The following PBX3 variants were observed in gnomAD, a reference collection of about 807,000 sequenced individuals.
The protein encoded by PBX3 is pre-B-cell leukemia transcription factor 3.
PBX3 carries 14 observed loss-of-function variants against 48.5 expected under a neutral mutation model. That is an observed-to-expected ratio of 0.29 (90% CI 0.19 to 0.45). The LOEUF is 0.45. PBX3 is among the 20% of genes least tolerant of loss of function. The probability of loss-of-function intolerance (pLI) is 1.00; values close to 1 mark genes in which losing one functional copy is unlikely to be tolerated. For synonymous variants in PBX3, 210 were observed against 200.3 expected, an observed-to-expected ratio of 1.05 and a Z score of -0.41; for missense variants, 386 against 546.7, an observed-to-expected ratio of 0.71 and a Z score of 2.93.
At chr9:125,866,575 C>A (rs1395784825) in intron 2 of PBX3, among the ~76,000 whole-genome samples, 4 of 152,176 alleles carry the variant, frequency 2.6e-5, no homozygotes, top group African/African-American at 9.6e-5. Flanking sequence ...AACAAAGAAA[C>A]AATCATCATG....
At chr9:125,801,872 T>C (rs962805865) in intron 2 of PBX3, among the ~76,000 whole-genome samples, 4 of 151,388 alleles carry the variant, frequency 2.6e-5, no homozygotes, top group African/African-American at 9.7e-5. Flanking sequence ...CTTGGTATGG[T>C]TAAAACTAAA....
chr9:125,795,083 G>A (rs1328068801), intron 2 of PBX3, among the ~76,000 whole-genome samples: 2 of 152,168 alleles, frequency 1.3e-5, no homozygotes, highest in African/African-American at 4.8e-5. Context: ...TACTACTTCT[G>A]TTGCCATATC....
At chr9:125,923,338 T>C (rs1253418862) in intron 3 of PBX3, among the ~76,000 whole-genome samples, 1 of 152,200 alleles carries the variant, frequency 6.6e-6, no homozygotes, top group East Asian at 1.9e-4. Context: ...GTGTCATAGA[T>C]GTATGTTACC....
At chr9:125,848,016 C>G (rs1261268064) in intron 2 of PBX3, among the ~76,000 whole-genome samples, 1 of 151,976 alleles carries the variant, frequency 6.6e-6, no homozygotes, top group Admixed American at 6.6e-5. Context: ...GTAGGCTGAC[C>G]TAGAGTCATT....
chr9:125,772,031 A>G (rs915575325), intron 2 of PBX3, among the ~76,000 whole-genome samples: 1 of 152,200 alleles, frequency 6.6e-6, no homozygotes, highest in Admixed American at 6.5e-5. Context: ...GGTGGTAGAT[A>G]TATGAAAAGT....
At chr9:125,930,532 C>G (rs1224045555) in intron 4 of PBX3, among the ~76,000 whole-genome samples, 1 of 152,214 alleles carries the variant, frequency 6.6e-6, no homozygotes, top group Non-Finnish European at 1.5e-5. Context: ...TATGATGAAT[C>G]TGCAGCTTTG....
intron 2 of PBX3, among the ~76,000 whole-genome samples, chr9:125,906,672 T>C (rs1279559740): frequency 6.6e-6 from 1 of 152,028 alleles, no homozygotes; most frequent in Non-Finnish European, 1.5e-5. Context: ...GTATTTTCAT[T>C]TGAGAAAAAT....
At chr9:125,920,155 T>C (rs778260946) in intron 3 of PBX3, among the ~76,000 whole-genome samples, 3 of 152,226 alleles carry the variant, frequency 2.0e-5, no homozygotes, top group South Asian at 4.1e-4. Context: ...CCAGCAGGAA[T>C]ATGATAATTT....
chr9:125,895,822 T>C lies in PBX3; in HGVS notation c.275-19864T>C, dbSNP rs981821187. On this transcript the variant is annotated intron_variant, in intron 2 of 8. Transcript: ENST00000373489. ...AAAGCAGTGTGAATCTCAGCAGGTG[T>C]TTCTTCCATGTCTGTGTTCAAATTT... is the stretch of plus-strand genomic sequence containing the variant. Among the ~76,000 whole-genome samples the C allele has an allele frequency of 9.2e-5, 14 of 152,024 alleles. No individual in the cohort carries two copies. In the East Asian group the frequency reaches 2.1e-3, roughly 23 times the overall value.
chr9:125,764,019 A>T (rs1440045744), intron 2 of PBX3, among the ~76,000 whole-genome samples: 1 of 152,224 alleles, frequency 6.6e-6, no homozygotes, highest in Non-Finnish European at 1.5e-5. Context: ...CAGAATAATT[A>T]GTGTAATTAG....
At chr9:125,948,927 T>G (rs369165859) in intron 5 of PBX3, among the ~76,000 whole-genome samples, 3 of 152,042 alleles carry the variant, frequency 2.0e-5, no homozygotes, top group African/African-American at 7.2e-5. Context: ...CCACCATGCC[T>G]GGCTAATTTT....
intron 2 of PBX3, among the ~76,000 whole-genome samples, chr9:125,824,200 A>C (rs1838741511): frequency 6.6e-6 from 1 of 152,254 alleles, no homozygotes; most frequent in African/African-American, 2.4e-5. Flanking sequence ...ATGAAACATA[A>C]GGAAGTGTCC....
chr9:125,927,315 T>A (rs1300572273), intron 3 of PBX3, among the ~76,000 whole-genome samples: 1 of 152,256 alleles, frequency 6.6e-6, no homozygotes, highest in Non-Finnish European at 1.5e-5. Flanking sequence ...TAATATTTCC[T>A]ATGGCTTAAA....
chr9:125,800,573 G>T (rs937405900), intron 2 of PBX3, among the ~76,000 whole-genome samples: 2 of 152,072 alleles, frequency 1.3e-5, no homozygotes, highest in Admixed American at 6.6e-5. Flanking sequence ...CAACACCTCA[G>T]TGAAACAAAC....
At chr9:125,870,638 G>T (rs1840099513) in intron 2 of PBX3, among the ~76,000 whole-genome samples, 1 of 152,066 alleles carries the variant, frequency 6.6e-6, no homozygotes, top group Non-Finnish European at 1.5e-5. Flanking sequence ...GGTTTGGGTG[G>T]GGACACAGCC....
chr9:125,941,842 A>T (rs955353926), intron 5 of PBX3, among the ~76,000 whole-genome samples: 2 of 152,194 alleles, frequency 1.3e-5, no homozygotes, highest in African/African-American at 4.8e-5. Context: ...TCAAGTTACT[A>T]AGCTGTAAAA....
intron 2 of PBX3, 36 bp from the exon 3 acceptor site, chr9:125,915,647 GCTT>G (rs750043423): frequency 1.7e-5 from 26 of 1,513,028 alleles, no homozygotes; most frequent in African/African-American, 2.8e-5. Context: ...TCTGTTTCTC[GCTT>G]CTTCTCTCTC....
At chr9:125,883,406 G>A (rs1840426124) in intron 2 of PBX3, among the ~76,000 whole-genome samples, 1 of 152,134 alleles carries the variant, frequency 6.6e-6, no homozygotes, top group Admixed American at 6.6e-5. Context: ...ATCTATACGA[G>A]GCTATTTTGT....
intron 3 of PBX3, among the ~76,000 whole-genome samples, chr9:125,928,609 G>T (rs1003936833): frequency 6.6e-6 from 1 of 151,954 alleles, no homozygotes; most frequent in Non-Finnish European, 1.5e-5. Context: ...GGGACTACAG[G>T]CACCCGCCAC....
Sources: gnomAD v4.1 joint callset for allele counts (sites outside exome capture counted in the v4.1 genomes callset) on GRCh38, gnomAD v4.1.1 for gene constraint, MANE v1.5 for transcripts, NCBI Gene and HGNC (gene_info 2026-07-23, HGNC 2026-07-21) for gene names.